OSTN: variants seen among roughly 807,000 people sequenced by gnomAD.
OSTN encodes osteocrin.
OSTN carries 9 observed loss-of-function variants against 12.0 expected under a neutral mutation model. The observed-to-expected ratio is 0.75, with a 90% CI of 0.45 to 1.30. The LOEUF (loss-of-function observed/expected upper bound fraction) is 1.30. Among genes scored for constraint, OSTN ranks in the 50% most tolerant of loss-of-function variants. OSTN has a pLI of 0.00. For synonymous variants in OSTN, 59 were observed against 56.9 expected (o/e 1.04, Z -0.16); for missense variants, 148 against 152.3 (o/e 0.97, Z 0.15).
At chr3:191,243,084 A>G (rs1244317656) in intron 3 of OSTN, among the ~76,000 whole-genome samples, 3 of 152,224 alleles carry the variant, frequency 2.0e-5, no homozygotes, top group Non-Finnish European at 2.9e-5. Flanking sequence ...ATTCAGGGAA[A>G]GTAAATTAAA....
chr3:191,246,906 C>T (rs1298077293), intron 3 of OSTN, among the ~76,000 whole-genome samples: 1 of 152,178 alleles, frequency 6.6e-6, no homozygotes, highest in African/African-American at 2.4e-5. Context: ...TGATTAGCAA[C>T]TTTTATAGAC....
Position 191,212,980 on chromosome 3 carries a change from C to A in OSTN, c.102+346C>A, listed in dbSNP as rs192708952. Among the ~76,000 whole-genome samples the A allele has an allele frequency of 6.1e-5, 9 of 147,358 alleles. No homozygotes were observed. In the East Asian group the frequency reaches 1.8e-3, roughly 30 times the overall value. Reference sequence around the variant, plus strand: ...CCACCTCCCAGGTTCAAGCGATTCTCCTGCCTCAGCCTCCCAAGTAGCTGG... The same window carrying A: ...CCACCTCCCAGGTTCAAGCGATTCTACTGCCTCAGCCTCCCAAGTAGCTGG... On this transcript the variant is annotated intron_variant, in intron 2 of 4. Transcript: ENST00000682035.
At chr3:191,235,002 C>G (rs533963504) in intron 3 of OSTN, among the ~76,000 whole-genome samples, 2 of 152,268 alleles carry the variant, frequency 1.3e-5, no homozygotes, top group South Asian at 2.1e-4. Flanking sequence ...TATACACATT[C>G]TGTAGATTTA....
At chr3:191,213,063 G>C (rs1024366198) in intron 2 of OSTN, among the ~76,000 whole-genome samples, 1 of 151,130 alleles carries the variant, frequency 6.6e-6, no homozygotes, top group Non-Finnish European at 1.5e-5. Context: ...TAGAGACAGG[G>C]TTTCACCATA....
At chr3:191,227,225 C>G (rs141021607) in intron 3 of OSTN, among the ~76,000 whole-genome samples, 2 of 151,908 alleles carry the variant, frequency 1.3e-5, no homozygotes, top group African/African-American at 4.8e-5. Context: ...TGCCTTTAGC[C>G]ATGTGAAAAG....
At chr3:191,241,383 A>C (rs1715318862) in intron 3 of OSTN, among the ~76,000 whole-genome samples, 1 of 151,464 alleles carries the variant, frequency 6.6e-6, no homozygotes, top group African/African-American at 2.4e-5. Flanking sequence ...ACGGGGTTTC[A>C]CTATGTTAGC....
chr3:191,248,183 G>A (rs9855647), intron 3 of OSTN, among the ~76,000 whole-genome samples: 46,616 of 151,778 alleles, frequency 0.31, 8,226 homozygotes, highest in Middle Eastern at 0.51. Context: ...CAGGAGCACC[G>A]ATATGACTGT....
At chr3:191,203,016 G>A (rs1271028389) in intron 1 of OSTN, among the ~76,000 whole-genome samples, 1 of 152,222 alleles carries the variant, frequency 6.6e-6, no homozygotes, top group Non-Finnish European at 1.5e-5. Flanking sequence ...AGTGATGCAT[G>A]TAACTTTCAT....
intron 3 of OSTN, among the ~76,000 whole-genome samples, chr3:191,236,659 T>C (rs1255806465): frequency 1.3e-5 from 2 of 152,204 alleles, no homozygotes; most frequent in Non-Finnish European, 2.9e-5. Flanking sequence ...ATTATTATCT[T>C]TAAAGTGAAA....
chr3:191,206,173 C>T (rs1437339972), intron 1 of OSTN, among the ~76,000 whole-genome samples: 1 of 144,382 alleles, frequency 6.9e-6, no homozygotes, highest in Non-Finnish European at 1.5e-5. Flanking sequence ...GCAACAAGAG[C>T]GAAACTCCAT....
At chr3:191,207,636 G>A (rs952495368) in intron 1 of OSTN, among the ~76,000 whole-genome samples, 16 of 152,048 alleles carry the variant, frequency 1.1e-4, no homozygotes, top group Non-Finnish European at 2.1e-4. Context: ...TTGCAACACT[G>A]ATTCCTACTA....
intron 4 of OSTN, among the ~76,000 whole-genome samples, chr3:191,253,123 C>G (rs1715597466): frequency 1.3e-5 from 2 of 152,156 alleles, no homozygotes; most frequent in Admixed American, 1.3e-4. Context: ...TTGTTGGATG[C>G]TAAATTCATT....
At chr3:191,200,944 T>G (rs1299482311) in intron 1 of OSTN, among the ~76,000 whole-genome samples, 4 of 152,120 alleles carry the variant, frequency 2.6e-5, no homozygotes, top group African/African-American at 9.7e-5. Flanking sequence ...GGACAAACCA[T>G]TCAGCTTCCC....
chr3:191,211,145 A>C (rs1714407074), intron 1 of OSTN, among the ~76,000 whole-genome samples: 2 of 152,300 alleles, frequency 1.3e-5, no homozygotes, highest in South Asian at 4.1e-4. Context: ...ATCATGAATC[A>C]AGTTCTATTG....
intron 1 of OSTN, among the ~76,000 whole-genome samples, chr3:191,203,948 C>T (rs1439606040): frequency 2.6e-5 from 4 of 152,140 alleles, no homozygotes; most frequent in African/African-American, 9.7e-5. Flanking sequence ...AGTGCAATGG[C>T]GCAATCTCGG....
chr3:191,226,809 T>G (rs1270016508), intron 3 of OSTN, among the ~76,000 whole-genome samples: 2 of 152,270 alleles, frequency 1.3e-5, no homozygotes, highest in East Asian at 3.8e-4. Context: ...GATGTTGGGA[T>G]ATGAGTAAAA....
chr3:191,222,298 A>T (rs1020849396), intron 3 of OSTN, among the ~76,000 whole-genome samples: 3 of 152,202 alleles, frequency 2.0e-5, no homozygotes, highest in African/African-American at 7.2e-5. Flanking sequence ...GCACCTGGAA[A>T]AGCCACAGAC....
chr3:191,208,425 T>C (rs890515884), intron 1 of OSTN, among the ~76,000 whole-genome samples: 2 of 152,236 alleles, frequency 1.3e-5, no homozygotes, highest in African/African-American at 2.4e-5. Flanking sequence ...TTTTCATTAG[T>C]GTACCAAATG....
intron 3 of OSTN, among the ~76,000 whole-genome samples, chr3:191,243,127 G>T (rs1309484473): frequency 6.6e-6 from 1 of 152,172 alleles, no homozygotes; most frequent in Non-Finnish European, 1.5e-5. Flanking sequence ...AAAGCATTAG[G>T]CTGGCAAAAT....
Sources: gnomAD v4.1 joint callset for allele counts (sites outside exome capture counted in the v4.1 genomes callset) on GRCh38, gnomAD v4.1.1 for gene constraint, MANE v1.5 for transcripts, NCBI Gene and HGNC (gene_info 2026-07-23, HGNC 2026-07-21) for gene names.